The following SVIL variants were observed in gnomAD, a reference collection of about 807,000 sequenced individuals.
SVIL encodes supervillin.
In SVIL, 101 loss-of-function variants were observed where a neutral mutation model predicts 240.4. The observed-to-expected ratio is 0.42, with a 90% CI of 0.36 to 0.50. The LOEUF (loss-of-function observed/expected upper bound fraction) is 0.50. Ranked by LOEUF, SVIL falls within the 20% of genes least tolerant of loss-of-function variation. The pLI is 0.01. For missense variants in SVIL, 2,512 were observed against 2,818.7 expected (o/e 0.89, Z 2.46); for synonymous variants, 999 against 1,100.0 (o/e 0.91, Z 1.82).
At chr10:29,548,826 G>A (rs1026876079) in intron 6 of SVIL, among the ~76,000 whole-genome samples, 5 of 152,180 alleles carry the variant, frequency 3.3e-5, no homozygotes, top group Non-Finnish European at 7.3e-5. Context: ...ACAGAAAAGC[G>A]GCGAAAAGAT....
At chr10:29,714,941 C>T (rs1472690221) in intron 1 of SVIL, among the ~76,000 whole-genome samples, 2 of 94,094 alleles carry the variant, frequency 2.1e-5, no homozygotes, top group Non-Finnish European at 4.1e-5. Flanking sequence ...AAGACCTTGT[C>T]TGAAATTAAA....
At chr10:29,576,561 TGAG>T (rs1418984265) in intron 1 of SVIL, among the ~76,000 whole-genome samples, 1 of 152,226 alleles carries the variant, frequency 6.6e-6, no homozygotes, top group Admixed American at 6.5e-5. Flanking sequence ...AATAAAATTA[TGAG>T]TAGTATATCT....
intron 2 of SVIL, among the ~76,000 whole-genome samples, chr10:29,568,724 G>A (rs577850252): frequency 6.6e-6 from 1 of 152,276 alleles, no homozygotes; most frequent in South Asian, 2.1e-4. Flanking sequence ...TGGAAGTTCA[G>A]AAAGGTTAAG....
At chr10:29,627,657 A>G (rs1172288276) in intron 1 of SVIL, among the ~76,000 whole-genome samples, 1 of 152,220 alleles carries the variant, frequency 6.6e-6, no homozygotes, top group Non-Finnish European at 1.5e-5. Flanking sequence ...ATTTAAGAAT[A>G]GTTGGCTGCC....
At chr10:29,679,060 C>A (rs1960423077) in intron 2 of SVIL, among the ~76,000 whole-genome samples, 1 of 152,162 alleles carries the variant, frequency 6.6e-6, no homozygotes, top group African/African-American at 2.4e-5. Context: ...GCAAAATTAG[C>A]CTGGCATGGT....
At chr10:29,698,709 GAA>G (rs71909536) in intron 1 of SVIL, among the ~76,000 whole-genome samples, 53,936 of 144,226 alleles carry the variant, frequency 0.37, 10,340 homozygotes, top group South Asian at 0.49. Context: ...ATTACTCCAG[GAA>G]AAAAAAAAAA....
intron 32 of SVIL, 90 bp from the exon 33 acceptor site, chr10:29,467,965 A>G (rs1945115970): frequency 8.7e-6 from 12 of 1,371,884 alleles, no homozygotes; most frequent in Non-Finnish European, 1.2e-5. Flanking sequence ...ACAGCTTTAT[A>G]ATAGCTTTAT....
At chr10:29,515,380 T>C (rs190965212) in intron 16 of SVIL, among the ~76,000 whole-genome samples, 96 of 152,328 alleles carry the variant, frequency 6.3e-4, no homozygotes, top group African/African-American at 2.2e-3. Context: ...AATGAGTCAG[T>C]TTTATCCTAA....
At chr10:29,628,409 AGTAT>A in intron 1 of SVIL, among the ~76,000 whole-genome samples, 1 of 152,354 alleles carries the variant, frequency 6.6e-6, no homozygotes, top group Non-Finnish European at 1.5e-5. Context: ...AAATATTTAA[AGTAT>A]GTGAGATCTT....
At chr10:29,547,106 A>G (rs1477848714) in intron 6 of SVIL, among the ~76,000 whole-genome samples, 1 of 152,080 alleles carries the variant, frequency 6.6e-6, no homozygotes. Context: ...TTTTTGGTTC[A>G]TCTTACTTCT....
At chr10:29,509,173 G>A (rs16930339) in intron 17 of SVIL, among the ~76,000 whole-genome samples, 6,720 of 152,098 alleles carry the variant, frequency 0.044, 441 homozygotes, top group African/African-American at 0.14. Context: ...CAGCTTTACC[G>A]TCTTTAGACC....
intron 34 of SVIL, 139 bp downstream of exon 34, chr10:29,465,456 G>T: frequency 9.4e-7 from 1 of 1,061,900 alleles, no homozygotes; most frequent in Non-Finnish European, 1.3e-6. Flanking sequence ...GATGAAAAGA[G>T]TGTAAGCACA....
chr10:29,712,213 C>G (rs78337491), intron 1 of SVIL, among the ~76,000 whole-genome samples: 5 of 152,002 alleles, frequency 3.3e-5, no homozygotes, highest in African/African-American at 1.2e-4. Context: ...GATATTCGAC[C>G]CTTTGGAACA....
rs759649094 is a variant in SVIL at position 29,481,743 on chromosome 10, G to C, written c.4956-15C>G. On this transcript the variant is annotated splice_polypyrimidine_tract_variant and intron_variant, in intron 27 of 37. Transcript: ENST00000355867. ...CCTGTCCTTTTCTGTAGGGTGGGAG[G>C]GGGGTTGGGAGAACAGACAGGAAAA... 9 of 1,610,734 alleles carry C rather than the reference G, an allele frequency of 5.6e-6. No individual in the cohort carries two copies. The East Asian group carries it at 1.6e-4, about 28-fold the overall frequency.
intron 1 of SVIL, among the ~76,000 whole-genome samples, chr10:29,730,957 G>C (rs1964584260): frequency 6.6e-6 from 1 of 152,212 alleles, no homozygotes; most frequent in African/African-American, 2.4e-5. Context: ...TGGGAGACAA[G>C]CAGGCCTAGG....
At chr10:29,470,556 T>C in intron 31 of SVIL, 73 bp from the exon 32 acceptor site, 1 of 1,556,206 alleles carries the variant, frequency 6.4e-7, no homozygotes, top group Non-Finnish European at 8.7e-7. Flanking sequence ...CTTCCTAGTG[T>C]CCGCTGTGTC....
At position 29,683,832 on chromosome 10, in the gene SVIL, C is replaced by T. The variant is rs1235706636; in HGVS notation, c.-301+2721G>A. Among the ~76,000 whole-genome samples the T allele has an allele frequency of 7.9e-5, 12 of 152,238 alleles. No homozygotes were observed. The East Asian group carries it at 2.3e-3, about 29-fold the overall frequency. On this transcript the variant is annotated intron_variant, in intron 2 of 35. Coordinates refer to the SVIL transcript ENST00000375400. ...GGCTCCCCCAACTTGCCCCAGAGAA[C>T]CCCTCTGTGCTGCACTTCACCATGG...
chr10:29,532,740 C>T lies in SVIL; in HGVS notation c.1627G>A (p.Val543Ile). The T allele has an allele frequency of 1.2e-6, 2 of 1,614,162 alleles. No homozygotes were observed. Among genetic ancestry groups the T allele is most frequent in the East Asian group, 2.2e-5 (1 of 44,868 alleles). The stretch of plus-strand genomic sequence containing the variant: ...AAATCTGACAGAGAGCGGGTACGGA[C>T]CTTGCGCTTTTTCGAGGCTTCCCTG... ...HNREASKKRKVRTRSLSDFTG... is the reference protein window; with the variant it reads ...HNREASKKRKIRTRSLSDFTG... The change falls in exon 8 of 38, where the codon GTC becomes ATC. Residue 543 changes from valine to isoleucine, a missense_variant. Physicochemically the swap from Val to Ile is conservative, Grantham distance 29. Around this residue, in one of 3 missense-constraint regions of SVIL, gnomAD observed 1,443 missense variants for 1,486.6 expected, o/e 0.97. Coordinates refer to ENST00000355867, the MANE Select transcript of SVIL (RefSeq NM_021738.3).
chr10:29,466,678 G>A (rs1376942044), intron 33 of SVIL, among the ~76,000 whole-genome samples: 3 of 152,068 alleles, frequency 2.0e-5, no homozygotes, highest in East Asian at 1.9e-4. Flanking sequence ...ATATCTCACA[G>A]CCATTAGAAA....
Sources: allele counts gnomAD v4.1 joint callset (sites outside exome capture counted in the v4.1 genomes callset), GRCh38; gene constraint gnomAD v4.1.1; regional missense constraint gnomAD v4.1.1; transcripts MANE v1.5; gene names NCBI Gene and HGNC (gene_info 2026-07-23, HGNC 2026-07-21).